Variants in SGCZ observed in about 807,000 individuals in gnomAD.
The protein encoded by SGCZ is sarcoglycan zeta, also known as zeta-sarcoglycan.
A neutral mutation model predicts 41.3 loss-of-function variants in SGCZ; 40 were observed. The observed-to-expected ratio is 0.97, with a 90% CI of 0.75 to 1.26. The LOEUF is 1.26. Among genes scored for constraint, SGCZ ranks in the 50% most tolerant of loss-of-function variants. The pLI, the probability that SGCZ is intolerant of heterozygous loss-of-function variation, is 0.00. For synonymous variants in SGCZ, 206 were observed against 137.5 expected (o/e 1.50, Z -3.49); for missense variants, 552 against 369.8 (o/e 1.49, Z -4.04).
intron 2 of SGCZ, among the ~76,000 whole-genome samples, chr8:14,495,029 C>G (rs1801950757): frequency 6.6e-6 from 1 of 152,152 alleles, no homozygotes; most frequent in Admixed American, 6.6e-5. Flanking sequence ...GTTTCTGGAG[C>G]TCCCATTCTG....
chr8:14,894,495 A>T (rs542806001), intron 1 of SGCZ, among the ~76,000 whole-genome samples: 41 of 152,198 alleles, frequency 2.7e-4, no homozygotes, highest in Non-Finnish European at 5.3e-4. Flanking sequence ...ATGGACAAGG[A>T]CTCTTCAAAT....
chr8:14,130,585 G>A (rs1035441035), intron 5 of SGCZ, among the ~76,000 whole-genome samples: 1 of 152,126 alleles, frequency 6.6e-6, no homozygotes, highest in Non-Finnish European at 1.5e-5. Context: ...TAACACAGGG[G>A]CTAAAAAGAA....
chr8:15,145,549 C>CTGGA (rs1268737018), intron 1 of SGCZ, among the ~76,000 whole-genome samples: 1 of 152,176 alleles, frequency 6.6e-6, no homozygotes, highest in Admixed American at 6.6e-5. Context: ...TCACTGCAGC[C>CTGGA]TGGAACTCCT....
At chr8:15,031,902 C>CCTCTCTCTCTCT (rs751690018) in intron 1 of SGCZ, among the ~76,000 whole-genome samples, 1,919 of 130,702 alleles carry the variant, frequency 0.015, 26 homozygotes, top group African/African-American at 0.02. Flanking sequence ...CCTCTATATT[C>CCTCTCTCTCTCT]CTCTCTCTCT....
intron 1 of SGCZ, among the ~76,000 whole-genome samples, chr8:14,885,142 T>C (rs1055618049): frequency 4.6e-5 from 7 of 152,204 alleles, no homozygotes; most frequent in African/African-American, 1.7e-4. Context: ...TCTCTCTGAA[T>C]ATTTCTGCTT....
intron 1 of SGCZ, among the ~76,000 whole-genome samples, chr8:14,563,451 GAC>G (rs1194474113): frequency 1.3e-5 from 2 of 152,160 alleles, no homozygotes; most frequent in African/African-American, 4.8e-5. Flanking sequence ...CAATGCCTAA[GAC>G]AATTCGTTTA....
chr8:15,115,985 A>G (rs1563134547), intron 1 of SGCZ, among the ~76,000 whole-genome samples: 1 of 152,230 alleles, frequency 6.6e-6, no homozygotes, highest in African/African-American at 2.4e-5. Context: ...TTCACAAGCC[A>G]TATGGTCTTT....
At chr8:14,829,157 AC>A (rs888142914) in intron 1 of SGCZ, among the ~76,000 whole-genome samples, 37 of 116,376 alleles carry the variant, frequency 3.2e-4, no homozygotes, top group African/African-American at 1.7e-3. Flanking sequence ...GAAGGTCAGT[AC>A]CGATTATTTA....
chr8:14,708,412 G>T (rs1291241624), intron 1 of SGCZ, among the ~76,000 whole-genome samples: 1 of 151,428 alleles, frequency 6.6e-6, no homozygotes. Flanking sequence ...TTTAAAAACA[G>T]GCAGTCACTC....
At chr8:14,800,844 T>A (rs960846781) in intron 1 of SGCZ, among the ~76,000 whole-genome samples, 2 of 152,032 alleles carry the variant, frequency 1.3e-5, no homozygotes, top group Admixed American at 6.6e-5. Context: ...CATTAAAAAA[T>A]TCAAAATATA....
At chr8:14,776,582 C>T (rs904441101) in intron 1 of SGCZ, among the ~76,000 whole-genome samples, 3 of 148,712 alleles carry the variant, frequency 2.0e-5, no homozygotes, top group Admixed American at 6.8e-5. Flanking sequence ...CAAGCTCAGC[C>T]TCCCGGGTTC....
chr8:14,551,551 A>ATTATATATATTATATATT (rs1803847886), intron 2 of SGCZ, among the ~76,000 whole-genome samples: 5 of 25,952 alleles, frequency 1.9e-4, no homozygotes, highest in African/African-American at 8.7e-4. Context: ...TAATATATAT[A>ATTATATATATTATATATT]ATATATATTA....
intron 1 of SGCZ, among the ~76,000 whole-genome samples, chr8:15,033,935 A>G (rs1029050694): frequency 1.3e-5 from 2 of 152,200 alleles, no homozygotes; most frequent in Non-Finnish European, 2.9e-5. Context: ...CCTCCTCAGA[A>G]TCTCTGCATG....
intron 1 of SGCZ, among the ~76,000 whole-genome samples, chr8:15,179,279 G>A (rs1429223319): frequency 6.6e-6 from 1 of 152,156 alleles, no homozygotes; most frequent in Non-Finnish European, 1.5e-5. Context: ...TGGTGTATAT[G>A]AATAGTGAAT....
At chr8:14,981,537 C>G (rs1801662652) in intron 1 of SGCZ, among the ~76,000 whole-genome samples, 1 of 152,158 alleles carries the variant, frequency 6.6e-6, no homozygotes, top group Admixed American at 6.5e-5. Flanking sequence ...ATTTCCTTAA[C>G]CATTTAAACA....
intron 2 of SGCZ, among the ~76,000 whole-genome samples, chr8:14,459,392 A>C (rs1038366789): frequency 5.9e-5 from 9 of 152,116 alleles, no homozygotes; most frequent in Non-Finnish European, 1.5e-5. Context: ...CATTGTGCAC[A>C]TGTACCCTAA....
At chr8:14,951,817 T>C (rs73517390) in intron 1 of SGCZ, among the ~76,000 whole-genome samples, 16,563 of 152,012 alleles carry the variant, frequency 0.11, 1,091 homozygotes, top group African/African-American at 0.17. Context: ...ACCCATAAAT[T>C]AGTCATGTAT....
intron 1 of SGCZ, among the ~76,000 whole-genome samples, chr8:14,779,982 G>A (rs1585253865): frequency 6.6e-6 from 1 of 152,118 alleles, no homozygotes; most frequent in Non-Finnish European, 1.5e-5. Flanking sequence ...CATATCAGGA[G>A]GAAATAAATA....
At chr8:14,750,046 C>T (rs954984941) in intron 1 of SGCZ, among the ~76,000 whole-genome samples, 7 of 152,112 alleles carry the variant, frequency 4.6e-5, no homozygotes, top group Non-Finnish European at 1.0e-4. Flanking sequence ...AAATACCATA[C>T]AAAGCTGGGG....
Sources: gnomAD v4.1 joint callset for allele counts (sites outside exome capture counted in the v4.1 genomes callset) on GRCh38, gnomAD v4.1.1 for gene constraint, MANE v1.5 for transcripts, NCBI Gene and HGNC (gene_info 2026-07-23, HGNC 2026-07-21) for gene names.